RAB5IF: variants seen among roughly 807,000 people sequenced by gnomAD.
RAB5IF encodes GEL complex subunit OPTI.
Under a neutral mutation model 20.3 loss-of-function variants are expected in RAB5IF, and 15 were observed. The ratio of observed to expected loss-of-function variants is 0.74; its 90% CI spans 0.50 to 1.14. The LOEUF (loss-of-function observed/expected upper bound fraction) is 1.14. Among genes scored for constraint, RAB5IF ranks in the 50% most tolerant of loss-of-function variants. The pLI is 0.00. For missense variants in RAB5IF, 148 were observed against 159.5 expected (o/e 0.93, Z 0.39); for synonymous variants, 67 against 63.7 (o/e 1.05, Z -0.25).
chr20:36,609,632 C>G lies in RAB5IF; in HGVS notation c.250C>G (p.Leu84Val), dbSNP rs374405285. 1.2e-6 allele frequency: 2 copies of G among 1,611,500 alleles called. No homozygotes were observed. The highest frequency in any genetic ancestry group is 3.3e-5 in the Admixed American group (2 of 59,730). ...CCTGATCAATGCAGGAGTCCTGTAC[C>G]TCTACTTCAGCAATTACCTACAGAT... ...FCLINAGVLY[L>V]YFSNYLQIDE... is the part of the protein sequence containing the mutation. The change falls in exon 3 of 4, where the codon CTC (leucine) becomes GTC (valine). Residue 84 changes from leucine to valine, a missense_variant. Physicochemically the swap from Leu to Val is conservative, Grantham distance 32. Coordinates refer to ENST00000344795, the MANE Select transcript of RAB5IF (RefSeq NM_018840.5).
intron 3 of RAB5IF, 64 bp downstream of exon 3, chr20:36,609,794 G>C: frequency 2.5e-6 from 4 of 1,613,776 alleles, no homozygotes; most frequent in African/African-American, 2.7e-5. Flanking sequence ...CTCACAGGAG[G>C]GGACCCCACT....
At chr20:36,608,856 T>C (rs1036961915) in intron 2 of RAB5IF, among the ~76,000 whole-genome samples, 3 of 151,814 alleles carry the variant, frequency 2.0e-5, no homozygotes, top group African/African-American at 7.3e-5. Context: ...TGAGCCACCA[T>C]GCCCGGCTCA....
At chr20:36,608,595 T>TC (rs1186204589) in intron 2 of RAB5IF, among the ~76,000 whole-genome samples, 1 of 148,494 alleles carries the variant, frequency 6.7e-6, no homozygotes, top group Non-Finnish European at 1.5e-5. Flanking sequence ...ACAGAGTCTT[T>TC]CTCTGTCGCC....
Position 36,607,704 on chromosome 20 carries a change from C to T in RAB5IF, c.115-11C>T, listed in dbSNP as rs1568594374. ...TCCAGATAATTCTTGCATTTTCTGT[C>T]TTTTCTACAGGATGAATTTTTAGAT... is the stretch of plus-strand genomic sequence containing the variant. On this transcript the variant is annotated splice_polypyrimidine_tract_variant and intron_variant, in intron 1 of 3. Coordinates refer to ENST00000344795, the MANE Select transcript of RAB5IF (RefSeq NM_018840.5). 5 of 1,613,614 alleles carry T rather than the reference C, an allele frequency of 3.1e-6. No individual in the cohort carries two copies. In the East Asian group the frequency reaches 6.7e-5, roughly 22 times the overall value.
At position 36,612,208 on chromosome 20, in the gene RAB5IF, A is replaced by T. The variant is rs150570188; in HGVS notation, c.*157A>T. 2.3e-5 allele frequency: 37 copies of T among 1,614,066 alleles called. No homozygotes were observed. Among genetic ancestry groups the T allele is most frequent in the Non-Finnish European group, 2.9e-5 (34 of 1,180,042 alleles). On this transcript the variant is annotated 3_prime_UTR_variant, in exon 4 of 4. Coordinates refer to ENST00000344795, the MANE Select transcript of RAB5IF (RefSeq NM_018840.5). Reference sequence around the variant, plus strand: ...TGTGTTGGGCATCAGTGTTTTCTGCAAGGGTTGTGACCTGAAACTTTTTAA... The same window carrying T: ...TGTGTTGGGCATCAGTGTTTTCTGCTAGGGTTGTGACCTGAAACTTTTTAA...
At chr20:36,609,211 G>GAGTTTCGCTGTTGCCCAGGCACA (rs2039032195) in intron 2 of RAB5IF, among the ~76,000 whole-genome samples, 1 of 36,586 alleles carries the variant, frequency 2.7e-5, no homozygotes, top group Non-Finnish European at 5.1e-5. Flanking sequence ...ACGCACACAC[G>GAGTTTCGCTGTTGCCCAGGCACA]CACACACGCA....
chr20:36,609,204 C>A (rs1391103783), intron 2 of RAB5IF, among the ~76,000 whole-genome samples: 8 of 57,174 alleles, frequency 1.4e-4, no homozygotes, highest in South Asian at 1.4e-3. Flanking sequence ...CGCACACACG[C>A]ACACACGCAC....
chr20:36,607,962 C>T (rs2038975026), intron 2 of RAB5IF, 144 bp downstream of exon 2: 2 of 1,506,222 alleles, frequency 1.3e-6, no homozygotes, highest in Non-Finnish European at 1.8e-6. Context: ...TACAGTGGCA[C>T]TCCTGGGTCT....
intron 1 of RAB5IF, among the ~76,000 whole-genome samples, 162 bp from the exon 2 acceptor site, chr20:36,607,553 A>G (rs1425857545): frequency 1.3e-5 from 2 of 152,106 alleles, no homozygotes; most frequent in East Asian, 3.9e-4. Flanking sequence ...TTTCTACCAC[A>G]TTTTAGTATA....
chr20:36,609,775 G>C, intron 3 of RAB5IF, 45 bp downstream of exon 3: 1 of 1,614,084 alleles, frequency 6.2e-7, no homozygotes, highest in Non-Finnish European at 8.5e-7. Context: ...TTCATTTCAT[G>C]AGGTGTCACT....
At chr20:36,609,223 A>ACACACACACACACACC (rs2039036051) in intron 2 of RAB5IF, among the ~76,000 whole-genome samples, 1 of 117,660 alleles carries the variant, frequency 8.5e-6, no homozygotes, top group Non-Finnish European at 1.7e-5. Flanking sequence ...ACACACGCAC[A>ACACACACACACACACC]CACACACACA....
intron 1 of RAB5IF, among the ~76,000 whole-genome samples, 188 bp from the exon 2 acceptor site, chr20:36,607,527 G>C (rs1198448514): frequency 6.6e-6 from 1 of 152,152 alleles, no homozygotes; most frequent in East Asian, 1.9e-4. Flanking sequence ...ACCACGCCCA[G>C]CCCCTAAATG....
At chr20:36,606,413 C>T (rs550661855) in intron 1 of RAB5IF, among the ~76,000 whole-genome samples, 1 of 152,230 alleles carries the variant, frequency 6.6e-6, no homozygotes, top group Non-Finnish European at 1.5e-5. Context: ...GAGTAGGTTA[C>T]TTGTTTCTTT....
intron 2 of RAB5IF, among the ~76,000 whole-genome samples, chr20:36,608,668 ATTC>A (rs1320310444): frequency 6.7e-6 from 1 of 150,014 alleles, no homozygotes; most frequent in Non-Finnish European, 1.5e-5. Context: ...GGTTCAAGCA[ATTC>A]TTCTGCCTCA....
Position 36,612,031 on chromosome 20 carries a change from A to G in RAB5IF, c.370A>G (p.Thr124Ala). 1 of 1,614,130 alleles carries G rather than the reference A, an allele frequency of 6.2e-7. No homozygotes were observed. The highest frequency in any genetic ancestry group is 8.5e-7 in the Non-Finnish European group (1 of 1,180,028). Reference sequence around the variant, plus strand: ...CTAGGTCATTTGGATCATCTTTTACACTGCCATCCATTATGACTGATGGTG... The same window carrying G: ...CTAGGTCATTTGGATCATCTTTTACGCTGCCATCCATTATGACTGATGGTG... ...LFMVIWIIFY[T>A]AIHYD Residue 124 changes from threonine to alanine, a missense_variant, in exon 4 of 4, where the codon ACT becomes GCT. Coordinates refer to ENST00000344795, the MANE Select transcript of RAB5IF (RefSeq NM_018840.5).
chr20:36,606,673 AG>A (rs1456339936), intron 1 of RAB5IF, among the ~76,000 whole-genome samples: 1 of 152,074 alleles, frequency 6.6e-6, no homozygotes, highest in Non-Finnish European at 1.5e-5. Flanking sequence ...CCGCTGGGTG[AG>A]TGTGAGGTGT....
At position 36,612,086 on chromosome 20, in the gene RAB5IF, C is replaced by CAAAGG; in HGVS notation, c.*37_*41dup. The CAAAGG allele has an allele frequency of 6.2e-7, 1 of 1,614,162 alleles. No homozygotes were observed. ...GCTCCCAAGTGCTCCCTATCCAGTC[C>CAAAGG]AAAGGACCCTCTTGATTACAGCACA... On this transcript the variant is annotated 3_prime_UTR_variant, in exon 4 of 4. Transcript: ENST00000344795.
At chr20:36,610,331 A>G (rs966351151) in intron 3 of RAB5IF, among the ~76,000 whole-genome samples, 1 of 152,070 alleles carries the variant, frequency 6.6e-6, no homozygotes, top group Non-Finnish European at 1.5e-5. Flanking sequence ...AAAAGTACAA[A>G]CAGTCCAAAT....
chr20:36,611,769 G>A (rs957766189), intron 3 of RAB5IF, among the ~76,000 whole-genome samples: 26 of 152,130 alleles, frequency 1.7e-4, no homozygotes, highest in Admixed American at 6.6e-5. Flanking sequence ...TGGGCCTGGG[G>A]TTGCCATTTG....
Sources: allele counts gnomAD v4.1 joint callset (sites outside exome capture counted in the v4.1 genomes callset), GRCh38; gene constraint gnomAD v4.1.1; transcripts MANE v1.5; gene names NCBI Gene and HGNC (gene_info 2026-07-23, HGNC 2026-07-21).